The following FRMPD4 variants were observed in gnomAD, a reference collection of about 807,000 sequenced individuals.
FRMPD4 encodes FERM and PDZ domain-containing protein 4.
Under a neutral mutation model 94.1 loss-of-function variants are expected in FRMPD4, and 22 were observed. The ratio of observed to expected loss-of-function variants is 0.23; its 90% CI spans 0.17 to 0.33. The LOEUF is 0.33. Among genes scored for constraint, FRMPD4 ranks in the 10% least tolerant of loss-of-function variants. FRMPD4 has a pLI of 1.00. For synonymous variants in FRMPD4, 631 were observed against 548.6 expected, an observed-to-expected ratio of 1.15 and a Z score of -2.10; for missense variants, 1,111 against 1,339.9, an observed-to-expected ratio of 0.83 and a Z score of 2.67.
intron 1 of FRMPD4, among the ~76,000 whole-genome samples, chrX:12,187,416 G>A (rs1436337430): frequency 8.9e-6 from 1 of 111,906 alleles, no homozygotes; most frequent in Admixed American, 9.5e-5. Context: ...CGTTGCCACA[G>A]TGACTTGATA....
At chrX:12,652,902 C>G (rs943345105) in intron 4 of FRMPD4, among the ~76,000 whole-genome samples, 1 of 111,926 alleles carries the variant, frequency 8.9e-6, no homozygotes, top group Non-Finnish European at 1.9e-5. Flanking sequence ...CAAAGCAAGT[C>G]ATTGACCAAG....
At chrX:11,860,398 T>G (rs1238082556) in intron 1 of FRMPD4, among the ~76,000 whole-genome samples, 1 of 112,150 alleles carries the variant, frequency 8.9e-6, no homozygotes, top group Non-Finnish European at 1.9e-5. Context: ...TTGAAGACAC[T>G]CTGACTCAGG....
intron 1 of FRMPD4, among the ~76,000 whole-genome samples, chrX:12,354,948 G>A (rs1056012691): frequency 1.4e-4 from 16 of 112,122 alleles, no homozygotes; most frequent in African/African-American, 5.2e-4. Flanking sequence ...ACTTTACTGT[G>A]TGAATTTCTA....
intron 3 of FRMPD4, among the ~76,000 whole-genome samples, chrX:12,119,831 T>TTGTATAAATGTATC (rs1341053079): frequency 8.9e-6 from 1 of 112,353 alleles, no homozygotes. Flanking sequence ...TAAGTAGAAG[T>TTGTATAAATGTATC]TGTATAAATG....
At chrX:12,177,441 A>C (rs1436546339) in intron 1 of FRMPD4, among the ~76,000 whole-genome samples, 2 of 112,688 alleles carry the variant, frequency 1.8e-5, no homozygotes, top group African/African-American at 6.4e-5. Flanking sequence ...GAAAAAAATA[A>C]GACATTTCTA....
intron 13 of FRMPD4, among the ~76,000 whole-genome samples, chrX:12,709,262 G>A (rs1035273941): frequency 2.7e-5 from 3 of 111,417 alleles, no homozygotes; most frequent in Non-Finnish European, 5.7e-5. Context: ...CGCTGAATCC[G>A]CCCAGTGTCC....
intron 3 of FRMPD4, among the ~76,000 whole-genome samples, chrX:11,879,875 T>A (rs1307300711): frequency 8.9e-6 from 1 of 111,865 alleles, no homozygotes; most frequent in Non-Finnish European, 1.9e-5. Flanking sequence ...TTCGCTAGAA[T>A]AAGGTCTATA....
At chrX:12,524,164 A>G (rs1224230431) in intron 2 of FRMPD4, among the ~76,000 whole-genome samples, 1 of 109,872 alleles carries the variant, frequency 9.1e-6, no homozygotes, top group Non-Finnish European at 1.9e-5. Flanking sequence ...CGATAATAAC[A>G]AAAGAAAAAA....
chrX:12,113,847 A>G (rs2055386231), intron 3 of FRMPD4, among the ~76,000 whole-genome samples: 1 of 112,140 alleles, frequency 8.9e-6, no homozygotes, highest in Non-Finnish European at 1.9e-5. Context: ...CAAGAGTCTT[A>G]GAAAACACTG....
In FRMPD4 at chrX:12,316,432, C is replaced by T. The variant is rs758301830; in HGVS notation, c.41+177420C>T. On this transcript the variant is annotated intron_variant, in intron 1 of 16. Transcript: ENST00000675598. ...CCTCCCAAAGTGCCGGGATTACAGG[C>T]GTGAGCTGCCGTGCCCAGCCCATTT... is the stretch of plus-strand genomic sequence containing the variant. Among the ~76,000 whole-genome samples the T allele has an allele frequency of 4.0e-4, 45 of 111,550 alleles. 1 individual carries two copies. The highest frequency in any genetic ancestry group is 1.4e-3 in the African/African-American group (44 of 30,716).
intron 3 of FRMPD4, among the ~76,000 whole-genome samples, chrX:12,063,393 C>CA (rs920140787): frequency 1.8e-5 from 2 of 111,120 alleles, no homozygotes; most frequent in Non-Finnish European, 3.8e-5. Flanking sequence ...AACAAACAAA[C>CA]AAAAAAATGT....
intron 2 of FRMPD4, among the ~76,000 whole-genome samples, chrX:12,559,645 G>A (rs1378876864): frequency 4.4e-5 from 3 of 67,879 alleles, no homozygotes; most frequent in African/African-American, 1.3e-4. Flanking sequence ...GTGAGACTCC[G>A]TCTCAAGGAA....
At position 12,721,785 on chromosome X, in the gene FRMPD4, C is replaced by A; in HGVS notation, c.5216C>A (p.Ala1739Glu). The A allele has an allele frequency of 2.7e-6, 2 of 752,220 alleles. No individual in the cohort carries two copies. Among genetic ancestry groups the A allele is most frequent in the Non-Finnish European group, 3.1e-6 (2 of 635,837 alleles). The allele number at this position is 752,220 out of a possible 1,213,427, so 62.0% of individuals were successfully genotyped here. ...GGGGACCCTAATGTTGGACTCTCGG[C>A]GCGACACTCAACCACCATGGCCGCT... ...NPGDPNVGLS[A>E]RHSTTMAALV... Residue 1739 changes from alanine to glutamate, a missense_variant, in exon 17 of 17, where the codon GCG (alanine) becomes GAG (glutamate). Physicochemically the swap from Ala to Glu is moderately radical, Grantham distance 107. Transcript: ENST00000675598.
chrX:12,335,037 A>T (rs1239584903), intron 1 of FRMPD4, among the ~76,000 whole-genome samples: 2 of 111,629 alleles, frequency 1.8e-5, no homozygotes, highest in Non-Finnish European at 3.8e-5. Flanking sequence ...TTGGTACCTA[A>T]CTCAAGGAGT....
At chrX:12,323,192 A>C (rs758506360) in intron 1 of FRMPD4, among the ~76,000 whole-genome samples, 1 of 111,806 alleles carries the variant, frequency 8.9e-6, no homozygotes, top group Non-Finnish European at 1.9e-5. Context: ...AATTGAGAGA[A>C]GATATAAGTA....
intron 3 of FRMPD4, among the ~76,000 whole-genome samples, chrX:11,984,277 G>A (rs182597997): frequency 1.8e-5 from 2 of 112,001 alleles, no homozygotes; most frequent in Admixed American, 1.9e-4. Context: ...AAAATATTTT[G>A]AGCATTCCCA....
intron 3 of FRMPD4, among the ~76,000 whole-genome samples, chrX:11,924,601 G>A (rs935104205): frequency 1.8e-5 from 2 of 112,093 alleles, no homozygotes; most frequent in Non-Finnish European, 3.8e-5. Context: ...GTGGGCAAAT[G>A]TTCAACATTC....
chrX:11,921,574 T>C (rs1025913312), intron 3 of FRMPD4, among the ~76,000 whole-genome samples: 27 of 112,121 alleles, frequency 2.4e-4, no homozygotes, highest in African/African-American at 7.4e-4. Context: ...GCAAATGTAA[T>C]AGATGCTGTA....
intron 1 of FRMPD4, among the ~76,000 whole-genome samples, chrX:12,363,916 A>T (rs2056035334): frequency 1.8e-5 from 2 of 111,552 alleles, no homozygotes; most frequent in African/African-American, 6.5e-5. Flanking sequence ...AGGAGAGTAC[A>T]TTAGGTGATG....
Sources: allele counts gnomAD v4.1 joint callset (sites outside exome capture counted in the v4.1 genomes callset), GRCh38; gene constraint gnomAD v4.1.1; transcripts MANE v1.5; gene names NCBI Gene and HGNC (gene_info 2026-07-23, HGNC 2026-07-21).